WDPCP: variants seen among roughly 807,000 people sequenced by gnomAD.
The protein encoded by WDPCP is WD repeat-containing and planar cell polarity effector protein fritz homolog.
Under a neutral mutation model 93.1 loss-of-function variants are expected in WDPCP, and 71 were observed. The observed-to-expected ratio is 0.76, with a 90% CI of 0.63 to 0.93. The LOEUF is 0.93. Among genes scored for constraint, WDPCP ranks in the 40% least tolerant of loss-of-function variants. The pLI, the probability that WDPCP is intolerant of heterozygous loss-of-function variation, is 0.00. For missense variants in WDPCP, 844 were observed against 887.4 expected (o/e 0.95, Z 0.62); for synonymous variants, 315 against 315.0 (o/e 1.00, Z 0.00).
In WDPCP at chr2:63,810,715, G is replaced by A. The variant is rs530942429; in HGVS notation, n.308+2907C>T. Among the ~76,000 whole-genome samples, 3 of 152,318 alleles carry A rather than the reference G, an allele frequency of 2.0e-5. No individual in the cohort carries two copies. The East Asian group carries it at 5.8e-4, about 29-fold the overall frequency. On this transcript the variant is annotated intron_variant and non_coding_transcript_variant, in intron 2 of 4. Coordinates refer to the WDPCP transcript ENST00000467687. ...ATTCCATATTTTTTATACCTATTAT[G>A]TAGCAATAGGGAAGCAAGCATTAAA...
chr2:63,601,840 G>C (rs1482875328), intron 3 of WDPCP, among the ~76,000 whole-genome samples: 1 of 152,172 alleles, frequency 6.6e-6, no homozygotes, highest in Non-Finnish European at 1.5e-5. Context: ...TATATATCTT[G>C]AGTTAATTGT....
intron 2 of WDPCP, among the ~76,000 whole-genome samples, chr2:63,672,087 A>AG (rs111440155): frequency 3.7e-4 from 57 of 152,310 alleles, no homozygotes; most frequent in African/African-American, 1.2e-3. Flanking sequence ...TCTACATTAT[A>AG]GGGGGTCTAA....
intron 2 of WDPCP, among the ~76,000 whole-genome samples, chr2:63,728,839 T>C (rs559105722): frequency 3.5e-4 from 54 of 152,310 alleles, no homozygotes; most frequent in Admixed American, 3.5e-3. Flanking sequence ...CTCATGAACA[T>C]GAACTGAAAA....
At chr2:63,231,227 C>T (rs1049120807) in intron 14 of WDPCP, among the ~76,000 whole-genome samples, 3 of 152,196 alleles carry the variant, frequency 2.0e-5, no homozygotes, top group South Asian at 2.1e-4. Flanking sequence ...AGTGTCATAC[C>T]GAATGGGCAA....
chr2:63,537,660 G>T (rs79491882), intron 1 of WDPCP, among the ~76,000 whole-genome samples: 8 of 152,008 alleles, frequency 5.3e-5, no homozygotes, highest in Non-Finnish European at 1.0e-4. Flanking sequence ...CCCTTCTCCT[G>T]ACTAATGCTT....
chr2:63,125,499 T>C (rs1323742117), intron 17 of WDPCP, among the ~76,000 whole-genome samples: 1 of 152,214 alleles, frequency 6.6e-6, no homozygotes, highest in Non-Finnish European at 1.5e-5. Context: ...TGCTAGGTTC[T>C]CCATGCTGGC....
intron 10 of WDPCP, among the ~76,000 whole-genome samples, chr2:63,399,417 A>G (rs918552197): frequency 3.3e-5 from 5 of 152,128 alleles, no homozygotes; most frequent in Admixed American, 6.6e-5. Context: ...TACTTTAGTA[A>G]GAAGGCAAAT....
intron 5 of WDPCP, 120 bp from the exon 6 acceptor site, chr2:63,484,783 T>C: frequency 6.7e-7 from 1 of 1,501,350 alleles, no homozygotes; most frequent in Admixed American, 1.9e-5. Context: ...TCCAACTGTT[T>C]TGGAACTCAT....
intron 1 of WDPCP, among the ~76,000 whole-genome samples, chr2:63,516,925 A>AG (rs778197392): frequency 3.3e-5 from 5 of 152,168 alleles, no homozygotes; most frequent in East Asian, 1.9e-4. Flanking sequence ...GGATGAGGAC[A>AG]GGGAGAGAAA....
At chr2:63,255,368 C>T (rs77285612) in intron 14 of WDPCP, among the ~76,000 whole-genome samples, 3,111 of 151,718 alleles carry the variant, frequency 0.021, 59 homozygotes, top group Middle Eastern at 0.031. Flanking sequence ...GGATGTTTGT[C>T]CCCTCCAACT....
intron 12 of WDPCP, among the ~76,000 whole-genome samples, chr2:63,328,420 G>C (rs184253005): frequency 1.3e-5 from 2 of 152,294 alleles, no homozygotes; most frequent in Non-Finnish European, 2.9e-5. Context: ...GCGAAGGTCT[G>C]CAGCTTCACT....
At chr2:63,409,000 G>A (rs1310661822) in intron 9 of WDPCP, among the ~76,000 whole-genome samples, 2 of 152,120 alleles carry the variant, frequency 1.3e-5, no homozygotes, top group African/African-American at 4.8e-5. Flanking sequence ...ATAATCTTGG[G>A]AGTTCTAGGG....
At chr2:63,278,503 T>C (rs1167781959) in intron 13 of WDPCP, among the ~76,000 whole-genome samples, 1 of 151,956 alleles carries the variant, frequency 6.6e-6, no homozygotes, top group Non-Finnish European at 1.5e-5. Flanking sequence ...AAAAATAAAA[T>C]TGATAGACAT....
chr2:63,155,125 A>G (rs1052439350), intron 15 of WDPCP, among the ~76,000 whole-genome samples: 69 of 152,270 alleles, frequency 4.5e-4, no homozygotes, highest in African/African-American at 1.6e-3. Flanking sequence ...CCTTTTGAGG[A>G]ACAACAGTTG....
intron 14 of WDPCP, among the ~76,000 whole-genome samples, chr2:63,256,781 C>A (rs2421879): frequency 0.35 from 53,027 of 151,964 alleles, 11,760 homozygotes; most frequent in Non-Finnish European, 0.49. Context: ...CTATATGCAA[C>A]ATACGAAAGA....
chr2:63,212,521 T>C (rs1477753339), intron 14 of WDPCP, among the ~76,000 whole-genome samples: 3 of 152,204 alleles, frequency 2.0e-5, no homozygotes, highest in South Asian at 2.1e-4. Flanking sequence ...ACATGCCAAA[T>C]TGTAAAGACC....
intron 12 of WDPCP, among the ~76,000 whole-genome samples, chr2:63,321,068 A>G (rs796240750): frequency 2.0e-5 from 3 of 152,146 alleles, no homozygotes; most frequent in African/African-American, 4.8e-5. Context: ...GGGACATTTC[A>G]TAATGATAAA....
intron 3 of WDPCP, chr2:63,594,458 A>G: frequency 6.8e-7 from 1 of 1,463,998 alleles, no homozygotes; most frequent in Non-Finnish European, 9.6e-7. Flanking sequence ...AGTAGTACTT[A>G]AAGATGTTAA....
In WDPCP at chr2:63,120,080, T is replaced by C. The variant is rs1344139889; in HGVS notation, c.*1926A>G. Among the ~76,000 whole-genome samples, 2 of 152,222 alleles carry C rather than the reference T, an allele frequency of 1.3e-5. No individual in the cohort carries two copies. The highest frequency in any genetic ancestry group is 2.9e-5 in the Non-Finnish European group (2 of 68,032). On this transcript the variant is annotated 3_prime_UTR_variant, in exon 18 of 18. Transcript: ENST00000272321. ...AAAAACATAGATGTATCAATATCCA[T>C]ATTTTATCTTTAGTATCTCACAGGA...
Sources: allele counts gnomAD v4.1 joint callset (sites outside exome capture counted in the v4.1 genomes callset), GRCh38; gene constraint gnomAD v4.1.1; transcripts MANE v1.5; gene names NCBI Gene and HGNC (gene_info 2026-07-23, HGNC 2026-07-21).